Variants in GARIN1A observed in about 807,000 individuals in gnomAD.
The protein encoded by GARIN1A is golgi associated RAB2 interactor 1A.
chr7:128,704,031 T>G, the GARIN1A span, among the ~76,000 whole-genome samples: 1 of 152,194 alleles, frequency 6.6e-6, no homozygotes, highest in Non-Finnish European at 1.5e-5. Flanking sequence ...GAATGCAGAC[T>G]GTGACAAATG....
the GARIN1A span, among the ~76,000 whole-genome samples, chr7:128,680,311 G>A: frequency 2.6e-5 from 4 of 152,186 alleles, no homozygotes; most frequent in East Asian, 3.9e-4. Context: ...TGAAAACAAG[G>A]TCTTTGGCCC....
chr7:128,704,488 A>G, the GARIN1A span, among the ~76,000 whole-genome samples: 1 of 151,922 alleles, frequency 6.6e-6, no homozygotes, highest in Non-Finnish European at 1.5e-5. Flanking sequence ...TATTTTTAGT[A>G]CAGACGGGGT....
At chr7:128,677,276 G>GGCC in the GARIN1A span, among the ~76,000 whole-genome samples, 1 of 151,912 alleles carries the variant, frequency 6.6e-6, no homozygotes, top group African/African-American at 2.4e-5. Flanking sequence ...GGGAGGCCGA[G>GGCC]GCGGGCGGAT....
At chr7:128,705,624 A>T in the GARIN1A span, among the ~76,000 whole-genome samples, 146,016 of 148,064 alleles carry the variant, frequency 0.99, 72,013 homozygotes, top group Middle Eastern at 1. Flanking sequence ...CAGCCGCAAC[A>T]CTGATGGCGC....
At chr7:128,690,517 C>T in the GARIN1A span, 1 of 152,198 alleles carries the variant, frequency 6.6e-6, no homozygotes, top group Admixed American at 6.5e-5. Context: ...ACAAAAATGG[C>T]AGCCGCAGTT....
At chr7:128,677,050 A>C in the GARIN1A span, among the ~76,000 whole-genome samples, 2 of 151,896 alleles carry the variant, frequency 1.3e-5, no homozygotes, top group Non-Finnish European at 2.9e-5. Flanking sequence ...ACTGGCATAC[A>C]CCTGTATTCC....
chr7:128,675,622 C>T, the GARIN1A span: 3 of 1,468,968 alleles, frequency 2.0e-6, no homozygotes, highest in Non-Finnish European at 1.9e-6. Flanking sequence ...ATCTGTATTC[C>T]ACCCCTTGTT....
chr7:128,697,013 T>G, the GARIN1A span, among the ~76,000 whole-genome samples: 3 of 152,178 alleles, frequency 2.0e-5, no homozygotes, highest in African/African-American at 7.2e-5. Context: ...GGGGTTTGTG[T>G]GTGTGTTTTG....
the GARIN1A span, among the ~76,000 whole-genome samples, chr7:128,700,088 C>G: frequency 2.0e-5 from 3 of 151,922 alleles, no homozygotes; most frequent in African/African-American, 7.3e-5. Flanking sequence ...TTTCTTTATA[C>G]TTTTGTTTTC....
the GARIN1A span, chr7:128,687,786 G>C: frequency 3.3e-5 from 5 of 152,326 alleles, no homozygotes; most frequent in African/African-American, 1.2e-4. Flanking sequence ...AAAGCCCCTT[G>C]TATTGCTGGG....
the GARIN1A span, among the ~76,000 whole-genome samples, chr7:128,705,132 A>G: frequency 1.3e-5 from 2 of 152,276 alleles, no homozygotes; most frequent in Admixed American, 1.3e-4. Flanking sequence ...TTGTTTATCA[A>G]CTCACCTGCT....
the GARIN1A span, among the ~76,000 whole-genome samples, chr7:128,703,771 T>C: frequency 8.8e-6 from 1 of 113,068 alleles, no homozygotes; most frequent in Admixed American, 8.7e-5. Flanking sequence ...AGCGACATCC[T>C]GTCTCAAAAA....
the GARIN1A span, among the ~76,000 whole-genome samples, chr7:128,681,881 A>ACCCCCCCCCCCCCCCCC: frequency 7.9e-6 from 1 of 127,142 alleles, no homozygotes; most frequent in Admixed American, 8.0e-5. Context: ...GCCACACTGC[A>ACCCCCCCCCCCCCCCCC]CCCCCCCCCA....
the GARIN1A span, among the ~76,000 whole-genome samples, chr7:128,700,882 G>A: frequency 1.3e-5 from 2 of 151,932 alleles, no homozygotes; most frequent in South Asian, 4.2e-4. Context: ...AGTTCCTACT[G>A]CTGAAAACAA....
At chr7:128,677,465 CCA>C in the GARIN1A span, 8 of 1,311,420 alleles carry the variant, frequency 6.1e-6, no homozygotes, top group Middle Eastern at 2.8e-4. Flanking sequence ...CGAGATCGCG[CCA>C]CTGCACTCTA....
the GARIN1A span, among the ~76,000 whole-genome samples, chr7:128,700,279 ATTTTGTTT>A: frequency 8.4e-6 from 1 of 119,474 alleles, no homozygotes; most frequent in South Asian, 2.7e-4. Context: ...TTTGTTTTGT[ATTTTGTTT>A]TTTTTTTTTT....
the GARIN1A span, among the ~76,000 whole-genome samples, chr7:128,694,315 T>C: frequency 6.6e-6 from 1 of 152,086 alleles, no homozygotes; most frequent in African/African-American, 2.4e-5. Context: ...GCGGATCACT[T>C]GAGGTCAGGA....
chr7:128,675,536 A>G, the GARIN1A span: 1 of 814,922 alleles, frequency 1.2e-6, no homozygotes, highest in Non-Finnish European at 2.0e-6. Context: ...GAGGCCAATG[A>G]AAAGGATCAA....
chr7:128,707,220 A>ATGTGTGTGTGTGTGTG, the GARIN1A span, among the ~76,000 whole-genome samples: 191 of 147,294 alleles, frequency 1.3e-3, no homozygotes, highest in Middle Eastern at 3.4e-3. Context: ...GTGTGTATGT[A>ATGTGTGTGTGTGTGTG]TGTGTGTGTG....
Sources: gnomAD v4.1 joint callset for allele counts (sites outside exome capture counted in the v4.1 genomes callset) on GRCh38, gnomAD v4.1.1 for gene constraint, MANE v1.5 for transcripts, NCBI Gene and HGNC (gene_info 2026-07-23, HGNC 2026-07-21) for gene names.